Variants in SCARB1 observed in about 807,000 individuals in gnomAD.
SCARB1 encodes the protein CD36 and LIMPII analogous 1.
In SCARB1, 30 loss-of-function variants were observed where a neutral mutation model predicts 57.2. The observed-to-expected ratio is 0.52, with a 90% CI of 0.39 to 0.71. The LOEUF is 0.71. Ranked by LOEUF, SCARB1 falls within the 30% of genes least tolerant of loss-of-function variation. The pLI, the probability that SCARB1 is intolerant of heterozygous loss-of-function variation, is 0.00. For missense variants in SCARB1, 543 were observed against 671.2 expected (o/e 0.81, Z 2.11); for synonymous variants, 249 against 268.3 (o/e 0.93, Z 0.70).
At chr12:124,855,750 C>T (rs1468456483) in intron 1 of SCARB1, among the ~76,000 whole-genome samples, 1 of 152,186 alleles carries the variant, frequency 6.6e-6, no homozygotes, top group Non-Finnish European at 1.5e-5. Context: ...CACAAACTCT[C>T]TGGGTTCAGC....
intron 6 of SCARB1, among the ~76,000 whole-genome samples, chr12:124,808,712 C>A (rs2135646536): frequency 6.6e-6 from 1 of 152,256 alleles, no homozygotes; most frequent in Non-Finnish European, 1.5e-5. Context: ...ACTGTGCTAC[C>A]CACTCTGTCC....
In SCARB1 at chr12:124,822,677, G is replaced by A. The variant is rs1015916228; in HGVS notation, c.127-4970C>T. ...AGCCAGGAGAATTTCTTGAAGCCAG[G>A]AGTTCAAGACCAGCCTGGGCAACAT... On this transcript the variant is annotated intron_variant, in intron 1 of 12. Transcript: ENST00000261693. The surrounding 1 kb of genome is among the most constrained non-coding windows in gnomAD (Gnocchi z 5.0). Among the ~76,000 whole-genome samples the A allele has an allele frequency of 6.6e-6, 1 of 152,192 alleles. No individual in the cohort carries two copies. Among genetic ancestry groups the A allele is most frequent in the Non-Finnish European group, 1.5e-5 (1 of 68,026 alleles).
intron 1 of SCARB1, among the ~76,000 whole-genome samples, chr12:124,851,608 A>ATT (rs5801574): frequency 0.057 from 7,309 of 128,022 alleles, 315 homozygotes; most frequent in African/African-American, 0.1. Context: ...AAAGGATTCC[A>ATT]TTTTTTTTTT....
At position 124,834,847 on chromosome 12, in the gene SCARB1, G is replaced by A. The variant is rs139701835; in HGVS notation, c.127-17140C>T. 9.7e-3 allele frequency among the ~76,000 whole-genome samples: 1,479 copies of A among 152,250 alleles called. 33 individuals are homozygous for A. Among genetic ancestry groups the A allele is most frequent in the African/African-American group, 0.032 (1,340 of 41,524 alleles). On this transcript the variant is annotated intron_variant, in intron 1 of 12. Transcript: ENST00000261693. ...TGCTTGGGCCCAGAAGGTCGAGGCTGCAGTGAGCTGTGATTGCACCACTAC... is the reference window on the plus strand; with the variant it reads ...TGCTTGGGCCCAGAAGGTCGAGGCTACAGTGAGCTGTGATTGCACCACTAC...
rs1199562658 is a variant in SCARB1 at position 124,817,097 on chromosome 12, T to C, written c.284+453A>G. 2.0e-5 allele frequency among the ~76,000 whole-genome samples: 3 copies of C among 148,496 alleles called. No individual in the cohort carries two copies. The highest frequency in any genetic ancestry group is 1.4e-4 in the Admixed American group (2 of 14,804). The stretch of plus-strand genomic sequence containing the variant: ...ACATGTGTGTGTATGTATGTGTGTG[T>C]GTATGTGTATGTACGTGTGTATGTA... On this transcript the variant is annotated intron_variant, in intron 2 of 12. Transcript: ENST00000261693. The surrounding 1 kb of genome is among the most constrained non-coding windows in gnomAD (Gnocchi z 4.8).
intron 1 of SCARB1, among the ~76,000 whole-genome samples, chr12:124,854,553 GC>G (rs1378553867): frequency 6.6e-6 from 1 of 152,250 alleles, no homozygotes; most frequent in Non-Finnish European, 1.5e-5. Flanking sequence ...GGAGGCGGAT[GC>G]AGGAATCTGG....
At chr12:124,782,564 G>A (rs894418803) in intron 12 of SCARB1, 119 bp downstream of exon 12, 9 of 983,766 alleles carry the variant, frequency 9.1e-6, no homozygotes, top group Admixed American at 8.6e-5. Context: ...TCAGTCTGTA[G>A]ACACTCCAGG....
intron 2 of SCARB1, among the ~76,000 whole-genome samples, 168 bp from the exon 3 acceptor site, chr12:124,815,282 G>T (rs557271186): frequency 6.6e-6 from 1 of 152,234 alleles, no homozygotes; most frequent in South Asian, 2.1e-4. Context: ...TGTCCCTCCC[G>T]CCGCCTGCCC....
intron 7 of SCARB1, among the ~76,000 whole-genome samples, chr12:124,805,248 A>T (rs1950281351): frequency 6.6e-6 from 1 of 152,208 alleles, no homozygotes; most frequent in Non-Finnish European, 1.5e-5. Flanking sequence ...ATTTGCATGC[A>T]GGCCAAAAGA....
intron 1 of SCARB1, among the ~76,000 whole-genome samples, chr12:124,831,037 G>T (rs548859353): frequency 6.6e-6 from 1 of 151,162 alleles, no homozygotes; most frequent in Non-Finnish European, 1.5e-5. Flanking sequence ...GTGCAGTGGC[G>T]CGATCTCGGC....
chr12:124,823,280 T>TAA (rs1951012670), intron 1 of SCARB1, among the ~76,000 whole-genome samples: 1 of 152,238 alleles, frequency 6.6e-6, no homozygotes, highest in Non-Finnish European at 1.5e-5. Context: ...TTTGAAACTA[T>TAA]AATGTGAAAT....
chr12:124,850,234 G>A (rs1351035561), intron 1 of SCARB1, among the ~76,000 whole-genome samples: 1 of 151,612 alleles, frequency 6.6e-6, no homozygotes, highest in Non-Finnish European at 1.5e-5. Context: ...TTAGCCGGGT[G>A]TAGTGGTGGG....
intron 1 of SCARB1, among the ~76,000 whole-genome samples, chr12:124,840,907 A>G (rs952773997): frequency 2.6e-5 from 4 of 151,274 alleles, no homozygotes; most frequent in South Asian, 2.1e-4. Context: ...GGTGGCTCAC[A>G]CCTGTAATCC....
At chr12:124,834,241 G>A (rs1304173174) in intron 1 of SCARB1, among the ~76,000 whole-genome samples, 3 of 152,254 alleles carry the variant, frequency 2.0e-5, no homozygotes, top group Non-Finnish European at 2.9e-5. Flanking sequence ...CACACGGGGG[G>A]ACAGGGAGGC....
rs838882 is a variant in SCARB1 at position 124,777,267 on chromosome 12, C to T, written c.*1320G>A. The T allele has an allele frequency of 0.6, 91,837 of 151,968 alleles. 29,470 individuals are homozygous for T. Among genetic ancestry groups the T allele is most frequent in the East Asian group, 0.85 (4,389 of 5,166 alleles). 9.4% of individuals were successfully genotyped at this position (151,968 alleles called of 1,614,324 possible). A position where few individuals can be genotyped will look rare whatever the true frequency, so the allele number is the denominator to read the frequency against. On this transcript the variant is annotated 3_prime_UTR_variant, in exon 13 of 13. Coordinates refer to ENST00000261693, the MANE Select transcript of SCARB1 (RefSeq NM_005505.5). The stretch of plus-strand genomic sequence containing the variant: ...TTATGTAACGAGCAGAAAGCAAAGG[C>T]CTAGAACAACACGGGGCATGTCCTA...
chr12:124,829,362 G>A (rs899560699), intron 1 of SCARB1, among the ~76,000 whole-genome samples: 7 of 151,834 alleles, frequency 4.6e-5, no homozygotes, highest in African/African-American at 9.7e-5. Context: ...CCCCCGCCCC[G>A]TTCTCCCCAC....
chr12:124,815,149 C>T (rs760104416), intron 2 of SCARB1, 35 bp from the exon 3 acceptor site: 10 of 1,609,200 alleles, frequency 6.2e-6, no homozygotes, highest in Non-Finnish European at 7.6e-6. Flanking sequence ...ACGCCCCGCC[C>T]CGCTGCATGG....
intron 9 of SCARB1, among the ~76,000 whole-genome samples, chr12:124,788,084 A>G (rs1949586182): frequency 6.6e-6 from 1 of 152,172 alleles, no homozygotes; most frequent in South Asian, 2.1e-4. Context: ...AGCTTCAGGC[A>G]TCCACTGGGG....
chr12:124,847,667 G>T (rs1022133092), intron 1 of SCARB1, among the ~76,000 whole-genome samples: 1 of 152,208 alleles, frequency 6.6e-6, no homozygotes, highest in South Asian at 2.1e-4. Flanking sequence ...ACACATCACC[G>T]CTCAAAGGCA....
Sources: allele counts gnomAD v4.1 joint callset (sites outside exome capture counted in the v4.1 genomes callset), GRCh38; gene constraint gnomAD v4.1.1; non-coding constraint Gnocchi (gnomAD v3.1); transcripts MANE v1.5; gene names NCBI Gene and HGNC (gene_info 2026-07-23, HGNC 2026-07-21).